The following XYLT1 variants were observed in gnomAD, a reference collection of about 807,000 sequenced individuals.
XYLT1 encodes the protein xylosyltransferase 1.
XYLT1 carries 36 observed loss-of-function variants against 91.3 expected under a neutral mutation model. The ratio of observed to expected loss-of-function variants is 0.39; its 90% CI spans 0.30 to 0.52. XYLT1 has a LOEUF of 0.52. Ranked by LOEUF, XYLT1 falls within the 20% of genes least tolerant of loss-of-function variation. The probability of loss-of-function intolerance (pLI) is 0.68; values close to 1 mark genes in which losing one functional copy is unlikely to be tolerated. For missense variants in XYLT1, 1,242 were observed against 1,284.5 expected, an observed-to-expected ratio of 0.97 and a Z score of 0.51; for synonymous variants, 588 against 532.0, an observed-to-expected ratio of 1.11 and a Z score of -1.45.
At chr16:17,425,458 A>G (rs1225104655) in intron 1 of XYLT1, among the ~76,000 whole-genome samples, 9 of 152,312 alleles carry the variant, frequency 5.9e-5, no homozygotes, top group African/African-American at 1.9e-4. Context: ...GGCTAAATCA[A>G]CCAAGAAGGT....
chr16:17,443,948 C>T (rs1288811716), intron 1 of XYLT1, among the ~76,000 whole-genome samples: 1 of 152,120 alleles, frequency 6.6e-6, no homozygotes, highest in African/African-American at 2.4e-5. Context: ...AATCTCAAAG[C>T]TCCCCATATT....
intron 7 of XYLT1, chr16:17,138,743 G>T: frequency 3.7e-6 from 2 of 537,690 alleles, no homozygotes; most frequent in South Asian, 2.8e-5. Context: ...CCAAGCCTCA[G>T]ATTTTCCTTC....
chr16:17,226,065 G>C (rs758615077), intron 3 of XYLT1, among the ~76,000 whole-genome samples: 2 of 152,182 alleles, frequency 1.3e-5, no homozygotes, highest in Admixed American at 6.5e-5. Flanking sequence ...TGGACAGAAT[G>C]GGGGAGACGG....
intron 2 of XYLT1, among the ~76,000 whole-genome samples, chr16:17,259,835 T>C (rs1418790275): frequency 2.0e-5 from 3 of 152,192 alleles, no homozygotes; most frequent in Non-Finnish European, 4.4e-5. Context: ...TGTTCCAGCG[T>C]CCCGTTTAAA....
intron 3 of XYLT1, among the ~76,000 whole-genome samples, chr16:17,213,374 T>C (rs2032797861): frequency 6.6e-6 from 1 of 152,142 alleles, no homozygotes; most frequent in Non-Finnish European, 1.5e-5. Context: ...CACTCAGGTA[T>C]TTCTTTATAG....
chr16:17,163,462 T>C (rs1205383248), intron 5 of XYLT1, among the ~76,000 whole-genome samples: 1 of 152,078 alleles, frequency 6.6e-6, no homozygotes. Context: ...CAGCTTCCAC[T>C]AGGAAGGAGC....
chr16:17,298,271 T>C (rs890912808), intron 2 of XYLT1, among the ~76,000 whole-genome samples: 2 of 152,050 alleles, frequency 1.3e-5, no homozygotes, highest in Non-Finnish European at 2.9e-5. Context: ...GCTGGAGGTA[T>C]AGTGTGTCCA....
At chr16:17,236,005 T>C (rs2033242320) in intron 3 of XYLT1, among the ~76,000 whole-genome samples, 1 of 152,174 alleles carries the variant, frequency 6.6e-6, no homozygotes, top group African/African-American at 2.4e-5. Context: ...TAGCTGGGAC[T>C]ACAGGAGTGC....
chr16:17,199,523 C>T (rs898692609), intron 4 of XYLT1, among the ~76,000 whole-genome samples: 5 of 152,170 alleles, frequency 3.3e-5, no homozygotes, highest in African/African-American at 1.2e-4. Context: ...TGTGTCCCCA[C>T]CCAAATCTAA....
chr16:17,444,948 C>A (rs2036574797), intron 1 of XYLT1, among the ~76,000 whole-genome samples: 1 of 152,106 alleles, frequency 6.6e-6, no homozygotes, highest in South Asian at 2.1e-4. Flanking sequence ...TAGGTGCTCA[C>A]TAAATATTTG....
intron 2 of XYLT1, among the ~76,000 whole-genome samples, chr16:17,267,692 AGCCAC>A (rs2033827485): frequency 6.6e-6 from 1 of 152,152 alleles, no homozygotes; most frequent in Admixed American, 6.5e-5. Context: ...TACAGGCGTG[AGCCAC>A]CACGCCCGGC....
chr16:17,150,264 G>A (rs1238901096), intron 6 of XYLT1, among the ~76,000 whole-genome samples: 3 of 152,182 alleles, frequency 2.0e-5, no homozygotes, highest in African/African-American at 7.2e-5. Flanking sequence ...GGTAGGCTGT[G>A]CCCCTTCTGG....
chr16:17,168,465 G>A (rs936161063), intron 5 of XYLT1, among the ~76,000 whole-genome samples: 11 of 152,130 alleles, frequency 7.2e-5, no homozygotes, highest in African/African-American at 2.7e-4. Flanking sequence ...GGCAAAGGCT[G>A]AAAAATAACC....
At chr16:17,352,386 C>G (rs1158471350) in intron 2 of XYLT1, among the ~76,000 whole-genome samples, 1 of 152,180 alleles carries the variant, frequency 6.6e-6, no homozygotes, top group African/African-American at 2.4e-5. Context: ...CTCTCTCCTT[C>G]TCTCCTACCT....
rs1393574074 is a variant in XYLT1 at position 17,107,079 on chromosome 16, CTAAT to C, written c.*1612_*1615del. 1 of 152,146 alleles carries C rather than the reference CTAAT, an allele frequency of 6.6e-6. No homozygotes were observed. The highest frequency in any genetic ancestry group is 1.9e-4 in the East Asian group (1 of 5,188). The allele number at this position is 152,146 out of a possible 1,614,324, so 9.4% of individuals were successfully genotyped here. On this transcript the variant is annotated 3_prime_UTR_variant, in exon 12 of 12. Transcript: ENST00000261381. ...TGACAAGCTGCAAAAACAGCACCTA[CTAAT>C]TAGTCATCGACTAAAACATGTAAAT...
At chr16:17,336,397 T>C (rs73535353) in intron 2 of XYLT1, among the ~76,000 whole-genome samples, 1,917 of 152,248 alleles carry the variant, frequency 0.013, 36 homozygotes, top group African/African-American at 0.044. Context: ...TGATGGTGAG[T>C]TCTGAATGCA....
chr16:17,362,666 G>C (rs181458314), intron 1 of XYLT1, among the ~76,000 whole-genome samples: 8 of 152,194 alleles, frequency 5.3e-5, no homozygotes, highest in South Asian at 2.1e-4. Flanking sequence ...GACTTTGTTC[G>C]TTATCATTCC....
intron 5 of XYLT1, among the ~76,000 whole-genome samples, chr16:17,163,100 T>G (rs1346940184): frequency 6.6e-6 from 1 of 152,218 alleles, no homozygotes; most frequent in Non-Finnish European, 1.5e-5. Context: ...GAAAACAGTG[T>G]AAAGACCCAA....
At chr16:17,407,223 T>G (rs12446686) in intron 1 of XYLT1, among the ~76,000 whole-genome samples, 28,262 of 152,102 alleles carry the variant, frequency 0.19, 2,900 homozygotes, top group Admixed American at 0.3. Flanking sequence ...AGTCTTGAAC[T>G]CCTGGCCTCA....
Sources: allele counts gnomAD v4.1 joint callset (sites outside exome capture counted in the v4.1 genomes callset), GRCh38; gene constraint gnomAD v4.1.1; transcripts MANE v1.5; gene names NCBI Gene and HGNC (gene_info 2026-07-23, HGNC 2026-07-21).